CR1: variants seen among roughly 807,000 people sequenced by gnomAD.
CR1 encodes the protein complement receptor type 1.
A neutral mutation model predicts 187.3 loss-of-function variants in CR1; 116 were observed. The observed-to-expected ratio is 0.62, with a 90% confidence interval of 0.53 to 0.72. The LOEUF is 0.72. CR1 is among the 30% of genes least tolerant of loss of function. CR1 has a pLI of 0.00. For synonymous variants in CR1, 576 were observed against 747.1 expected (o/e 0.77, Z 3.73); for missense variants, 1,731 against 2,110.7 (o/e 0.82, Z 3.52).
In CR1 at chr1:207,614,407, C is replaced by T. The variant is rs764331281; in HGVS notation, c.6579C>T (p.Phe2193=). Residue 2193 remains phenylalanine, a synonymous_variant, in exon 40 of 47, where the codon TTC becomes TTT. Transcript: ENST00000367049. The part of the protein sequence containing the change: ...AKVSFVCDEG[F]RLKGRSASHC... ...CTACCACTTTTTTTTTCTTTAGGTT[C>T]CGATTAAAAGGCAGGTCTGCTAGTC... The T allele has an allele frequency of 3.1e-6, 5 of 1,609,014 alleles. No homozygotes were observed. Among genetic ancestry groups the T allele is most frequent in the Non-Finnish European group, 4.2e-6 (5 of 1,176,800 alleles).
At chr1:207,506,837 A>C (rs1318392369) in intron 3 of CR1, 24 bp downstream of exon 3, 1 of 1,580,912 alleles carries the variant, frequency 6.3e-7, no homozygotes, top group African/African-American at 1.3e-5. Context: ...TCTTGAACCA[A>C]CATCTCTTGG....
intron 35 of CR1, among the ~76,000 whole-genome samples, chr1:207,606,307 G>T (rs1661748538): frequency 6.6e-6 from 1 of 152,310 alleles, no homozygotes; most frequent in South Asian, 2.1e-4. Flanking sequence ...GCTATGCCCG[G>T]CTGTAAGGAA....
At chr1:207,568,494 C>T (rs2102328991) in intron 25 of CR1, among the ~76,000 whole-genome samples, 1 of 34,730 alleles carries the variant, frequency 2.9e-5, no homozygotes, top group East Asian at 8.4e-4. Flanking sequence ...TTTCTGGCTT[C>T]CTAAAAATGT....
Position 207,609,271 on chromosome 1 carries a change from A to G in CR1, c.5897-19A>G. The stretch of plus-strand genomic sequence containing the variant: ...TTATTAAAAAATAAGCTGTTTTACC[A>G]TACTCTTCCTTCTCTCAGTCATATC... On this transcript the variant is annotated intron_variant, in intron 36 of 46. Coordinates refer to ENST00000367049, the MANE Select transcript of CR1 (RefSeq NM_000651.6). The G allele has an allele frequency of 6.4e-7, 1 of 1,562,624 alleles. No individual in the cohort carries two copies. The highest frequency in any genetic ancestry group is 8.7e-7 in the Non-Finnish European group (1 of 1,153,392).
intron 46 of CR1, among the ~76,000 whole-genome samples, chr1:207,639,012 C>T (rs979668001): frequency 6.6e-6 from 1 of 152,218 alleles, no homozygotes; most frequent in Non-Finnish European, 1.5e-5. Flanking sequence ...CCCTGAAAAC[C>T]CTGAGGAACA....
At chr1:207,496,666 G>A (rs551122515) in intron 1 of CR1, among the ~76,000 whole-genome samples, 1 of 152,204 alleles carries the variant, frequency 6.6e-6, no homozygotes, top group Non-Finnish European at 1.5e-5. Context: ...AGCGGGTGCC[G>A]CACGAAATTC....
rs527259461 is a variant in CR1 at position 207,575,861 on chromosome 1, T to A, written c.4537+181T>A. On this transcript the variant is annotated intron_variant, in intron 28 of 46. Coordinates refer to ENST00000367049, the MANE Select transcript of CR1 (RefSeq NM_000651.6). ...AACTTCCGCCTTCACCTAGAAATGC[T>A]TTTTTTTTTCTTATCTCAGTCTAAT... 2.2e-4 allele frequency among the ~76,000 whole-genome samples: 32 copies of A among 144,746 alleles called. No homozygotes were observed. The East Asian group carries it at 5.4e-3, about 25-fold the overall frequency. The allele number at this position is 144,746 out of a possible 152,430, so 95.0% of individuals were successfully genotyped here.
At chr1:207,522,850 G>T (rs1660039029) in intron 4 of CR1, among the ~76,000 whole-genome samples, 1 of 152,024 alleles carries the variant, frequency 6.6e-6, no homozygotes, top group Non-Finnish European at 1.5e-5. Flanking sequence ...AAGAAATTTT[G>T]TTCTAGTTTA....
intron 46 of CR1, among the ~76,000 whole-genome samples, chr1:207,634,010 A>C (rs1486849345): frequency 2.6e-5 from 4 of 152,162 alleles, no homozygotes; most frequent in Non-Finnish European, 5.9e-5. Context: ...AAGGACTTTC[A>C]CAAGGTAATG....
At chr1:207,514,992 T>TACACAC (rs764790629) in intron 4 of CR1, among the ~76,000 whole-genome samples, 4,010 of 115,840 alleles carry the variant, frequency 0.035, 79 homozygotes, top group African/African-American at 0.055. Context: ...TATATATATA[T>TACACAC]ATACACACAC....
chr1:207,518,480 A>G (rs1316830276), intron 4 of CR1, among the ~76,000 whole-genome samples: 1 of 152,184 alleles, frequency 6.6e-6, no homozygotes, highest in Admixed American at 6.5e-5. Context: ...TTAGTTTCCC[A>G]GGGCTGCTGT....
intron 46 of CR1, among the ~76,000 whole-genome samples, chr1:207,633,902 G>GA (rs371735585): frequency 2.5e-4 from 38 of 152,272 alleles, no homozygotes; most frequent in African/African-American, 8.2e-4. Flanking sequence ...GCAGGTAAAG[G>GA]AAAATTACAG....
rs540660032 is a variant in CR1 at position 207,511,303 on chromosome 1, G to A, written c.402-266G>A. ...ATCTTTTAAAAAATGAAATTTATAGGAAAAACTACAATTCATCTTAGATTT... is the reference window on the plus strand; with the variant it reads ...ATCTTTTAAAAAATGAAATTTATAGAAAAAACTACAATTCATCTTAGATTT... On this transcript the variant is annotated intron_variant, in intron 3 of 46. Transcript: ENST00000367049. Among the ~76,000 whole-genome samples, 18 of 152,134 alleles carry A rather than the reference G, an allele frequency of 1.2e-4. 2 individuals are homozygous for A. Among genetic ancestry groups the A allele is most frequent in the African/African-American group, 4.1e-4 (17 of 41,510 alleles).
chr1:207,506,666 T>G lies in CR1; in HGVS notation c.302-48T>G, dbSNP rs769068818. On this transcript the variant is annotated intron_variant, in intron 2 of 46. Transcript: ENST00000367049. ...TTGAGACCTTATGTACTAAAAAAAGTTTTTAGTTTACTCTACTTGGCTCCA... is the reference window on the plus strand; with the variant it reads ...TTGAGACCTTATGTACTAAAAAAAGGTTTTAGTTTACTCTACTTGGCTCCA... 6.5e-5 allele frequency: 101 copies of G among 1,550,092 alleles called. 4 individuals carry two copies. The South Asian group carries it at 1.1e-3, about 17-fold the overall frequency.
At position 207,639,648 on chromosome 1, in the gene CR1, T is replaced by C. The variant is rs1662921919; in HGVS notation, c.*239T>C. On this transcript the variant is annotated 3_prime_UTR_variant, in exon 47 of 47. Coordinates refer to ENST00000367049, the MANE Select transcript of CR1 (RefSeq NM_000651.6). ...CCTCGTGCTAAACGCACACAGTATC[T>C]AGTCAGGGGAAAAGACTGCATTTAG... 12 of 454,598 alleles carry C rather than the reference T, an allele frequency of 2.6e-5. No homozygotes were observed. Among genetic ancestry groups the C allele is most frequent in the Non-Finnish European group, 4.7e-5 (12 of 253,980 alleles). 28.2% of individuals were successfully genotyped at this position (454,598 alleles called of 1,614,324 possible). A position where few individuals can be genotyped will look rare whatever the true frequency, so the allele number is the denominator to read the frequency against.
intron 46 of CR1, among the ~76,000 whole-genome samples, chr1:207,632,627 TAC>T (rs772489369): frequency 4.0e-5 from 6 of 150,276 alleles, no homozygotes; most frequent in Non-Finnish European, 5.9e-5. Flanking sequence ...CTCTACTAAA[TAC>T]ACACACACAC....
At chr1:207,572,473 T>A (rs1453404132) in intron 27 of CR1, among the ~76,000 whole-genome samples, 1 of 151,946 alleles carries the variant, frequency 6.6e-6, no homozygotes, top group African/African-American at 2.4e-5. Flanking sequence ...TAGTATTTTT[T>A]ATCAATAAAC....
chr1:207,501,007 T>TAA (rs55928911), intron 1 of CR1, among the ~76,000 whole-genome samples: 13 of 151,200 alleles, frequency 8.6e-5, no homozygotes, highest in African/African-American at 1.7e-4. Flanking sequence ...GGCTAAACCA[T>TAA]AAAAAAAAAC....
rs753979628 is a variant in CR1 at position 207,618,169 on chromosome 1, G to A, written c.6988G>A (p.Gly2330Ser). 1.7e-5 allele frequency: 28 copies of A among 1,613,690 alleles called. No homozygotes were observed. Among genetic ancestry groups the A allele is most frequent in the South Asian group, 4.4e-5 (4 of 91,070 alleles). Residue 2330 changes from glycine to serine, a missense_variant, in exon 42 of 47, where the codon GGC becomes AGC. Gly to Ser is a moderately conservative substitution (Grantham distance 56). Transcript: ENST00000367049. Reference sequence around the variant, plus strand: ...GACAATCAGCTACATTTGTGACCCCGGCTACCTGTTAGTGGGAAAGGGCTT... The same window carrying A: ...GACAATCAGCTACATTTGTGACCCCAGCTACCTGTTAGTGGGAAAGGGCTT... ...GMTISYICDP[G>S]YLLVGKGFIF...
Sources: allele counts gnomAD v4.1 joint callset (sites outside exome capture counted in the v4.1 genomes callset), GRCh38; gene constraint gnomAD v4.1.1; transcripts MANE v1.5; gene names NCBI Gene and HGNC (gene_info 2026-07-23, HGNC 2026-07-21).